EXD2: variants seen among roughly 807,000 people sequenced by gnomAD.
The protein encoded by EXD2 is exonuclease 3'-5' domain-containing protein 2.
In EXD2, 40 loss-of-function variants were observed where a neutral mutation model predicts 62.5. The observed-to-expected ratio is 0.64, with a 90% CI of 0.50 to 0.83. The LOEUF (loss-of-function observed/expected upper bound fraction) is 0.83. Among genes scored for constraint, EXD2 ranks in the 40% least tolerant of loss-of-function variants. The probability of loss-of-function intolerance (pLI) is 0.00; values close to 1 mark genes in which losing one functional copy is unlikely to be tolerated. For missense variants in EXD2, 671 were observed against 761.8 expected (o/e 0.88, Z 1.40); for synonymous variants, 239 against 291.9 (o/e 0.82, Z 1.85).
In EXD2 at chr14:69,243,143, A is replaced by T. The variant is rs189194796; in HGVS notation, c.*2043A>T. On this transcript the variant is annotated 3_prime_UTR_variant, in exon 10 of 10. Transcript: ENST00000685843. ...TTTTCAGGAGAGAGTCACTGTGTAG[A>T]TTTGAATCTTTTTTCTTTGAGTCTG... 1 of 152,300 alleles carries T rather than the reference A, an allele frequency of 6.6e-6. No individual in the cohort carries two copies. Among genetic ancestry groups the T allele is most frequent in the East Asian group, 1.9e-4 (1 of 5,180 alleles). The allele number at this position is 152,300 out of a possible 1,614,324, so 9.4% of individuals were successfully genotyped here. A position where few individuals can be genotyped will look rare whatever the true frequency, so the allele number is the denominator to read the frequency against.
chr14:69,231,413 C>T (rs143958377), intron 5 of EXD2, among the ~76,000 whole-genome samples: 4 of 152,220 alleles, frequency 2.6e-5, no homozygotes, highest in South Asian at 2.1e-4. Context: ...CCCCTGTCCC[C>T]GGACAAATAC....
chr14:69,241,080 CT>C lies in EXD2; in HGVS notation c.1848del (p.Ile618SerfsTer12), dbSNP rs758467048. Reference protein sequence around the residue: ...QKLLRKFGEDLPIQLS With the variant: ...QKLLRKFGEDXPIQLS ...GCTGCTCCGGAAATTCGGGGAAGAT[CT>C]TCCCATCCAGCTGTCTTGATAGCTG... On this transcript the variant is annotated frameshift_variant, in exon 10 of 10. Transcript: ENST00000685843. LOFTEE classifies it high-confidence loss of function. 42 of 1,612,378 alleles carry C rather than the reference CT, an allele frequency of 2.6e-5. No homozygotes were observed. Among genetic ancestry groups the C allele is most frequent in the Non-Finnish European group, 3.4e-6 (4 of 1,180,034 alleles).
In EXD2 at chr14:69,240,944, T is replaced by G. The variant is rs754908384; in HGVS notation, c.1710T>G (p.Gly570=). The change falls in exon 10 of 10, where the codon GGT becomes GGG. Residue 570 remains glycine (G), a synonymous_variant. Transcript: ENST00000685843. ...GLKVVQCHSQ[G]GLRSLMQLES... ...AGGTGGTGCAGTGTCACAGCCAGGGTGGCCTGCGCTCCCTCATGCAGCTGG... is the reference window on the plus strand; with the variant it reads ...AGGTGGTGCAGTGTCACAGCCAGGGGGGCCTGCGCTCCCTCATGCAGCTGG... 1 of 1,613,624 alleles carries G rather than the reference T, an allele frequency of 6.2e-7. No homozygotes were observed.
At position 69,209,484 on chromosome 14, in the gene EXD2, A is replaced by G. The variant is rs1432440130; in HGVS notation, c.14A>G (p.Asn5Ser). Residue 5 changes from asparagine (N) to serine (S), a missense_variant, in exon 3 of 10, where the codon AAC becomes AGC. Asn to Ser is a conservative substitution (Grantham distance 46, BLOSUM62 1). Transcript: ENST00000685843. Reference sequence around the variant, plus strand: ...GAAAAGTCGAAGATGTCTAGACAGAACTTAGTGGCTTTGACAGTGACTACC... The same window carrying G: ...GAAAAGTCGAAGATGTCTAGACAGAGCTTAGTGGCTTTGACAGTGACTACC... MSRQ[N>S]LVALTVTTLL... 6.5e-7 allele frequency: 1 copy of G among 1,539,092 alleles called. No homozygotes were observed. The highest frequency in any genetic ancestry group is 2.0e-5 in the Admixed American group (1 of 48,870).
rs148028785 is a variant in EXD2 at position 69,220,752 on chromosome 14, C to T, written c.334-8064C>T. The stretch of plus-strand genomic sequence containing the variant: ...GGCTTGGTTGTGGGTGCCTGTAATC[C>T]CAGCTACTGGGAAGGCTGAGGCAGG... On this transcript the variant is annotated intron_variant, in intron 3 of 9. Coordinates refer to ENST00000685843, the MANE Select transcript of EXD2 (RefSeq NM_001193360.2). 1.6e-3 allele frequency among the ~76,000 whole-genome samples: 247 copies of T among 151,850 alleles called. 4 individuals are homozygous for T. Among genetic ancestry groups the T allele is most frequent in the African/African-American group, 5.7e-3 (235 of 41,488 alleles).
At chr14:69,194,062 T>A (rs2042117598) in intron 1 of EXD2, among the ~76,000 whole-genome samples, 1 of 152,150 alleles carries the variant, frequency 6.6e-6, no homozygotes, top group Non-Finnish European at 1.5e-5. Flanking sequence ...GGGAATAGTT[T>A]TTTTTCTTTA....
Position 69,220,253 on chromosome 14 carries a change from G to GTTTTTTGTTTTTTTTTTT in EXD2, c.334-8557_334-8556insGTTTTTTTTTTTTTTTTT, listed in dbSNP as rs2043126549. Among the ~76,000 whole-genome samples the GTTTTTTGTTTTTTTTTTT allele has an allele frequency of 5.7e-4, 20 of 35,116 alleles. 1 individual carries two copies. The highest frequency in any genetic ancestry group is 8.9e-4 in the Non-Finnish European group (18 of 20,220). The allele number at this position is 35,116 out of a possible 152,430, so 23.0% of individuals were successfully genotyped here. A position where few individuals can be genotyped will look rare whatever the true frequency, so the allele number is the denominator to read the frequency against. ...CTCTCAGCAAGTGTTTTGTCTCTCT[G>GTTTTTTGTTTTTTTTTTT]TTTTTTTTTTTTTTTTTTTTTTTTT... On this transcript the variant is annotated intron_variant, in intron 3 of 9. Transcript: ENST00000685843.
In EXD2 at chr14:69,226,216, A is replaced by T. The variant is rs553978965; in HGVS notation, c.334-2600A>T. 2.4e-4 allele frequency among the ~76,000 whole-genome samples: 37 copies of T among 152,254 alleles called. 1 individual carries two copies. The highest frequency in any genetic ancestry group is 3.4e-3 in the Middle Eastern group (1 of 294). Reference sequence around the variant, plus strand: ...GGGAAAGAACTACTCATTAATTTTTAAAAAAGTGATTTGGTCACATCCGGA... The same window carrying T: ...GGGAAAGAACTACTCATTAATTTTTTAAAAAGTGATTTGGTCACATCCGGA... On this transcript the variant is annotated intron_variant, in intron 3 of 9. Transcript: ENST00000685843.
At chr14:69,206,152 C>T (rs918311641) in intron 2 of EXD2, among the ~76,000 whole-genome samples, 2 of 152,060 alleles carry the variant, frequency 1.3e-5, no homozygotes, top group Non-Finnish European at 2.9e-5. Context: ...AACTCCTGGG[C>T]TCAAGCTGTC....
rs778799517 is a variant in EXD2, at chr14:69,237,548, G to T, written c.1293-27G>T. The T allele has an allele frequency of 1.1e-5, 18 of 1,605,222 alleles. No homozygotes were observed. In the South Asian group the frequency reaches 2.0e-4, roughly 18 times the overall value. ...TGTGCTCTGTCATACACTTATGAGC[G>T]CTGCTTTCCGGCTGGGCTTGTTCCA... On this transcript the variant is annotated intron_variant, in intron 8 of 9. Transcript: ENST00000685843.
chr14:69,201,758 C>T (rs1208178849), intron 1 of EXD2, among the ~76,000 whole-genome samples: 1 of 129,640 alleles, frequency 7.7e-6, no homozygotes, highest in African/African-American at 2.9e-5. Flanking sequence ...TCTCGGCTTA[C>T]TGCAAGCTCC....
intron 5 of EXD2, among the ~76,000 whole-genome samples, chr14:69,233,759 C>T (rs901043833): frequency 6.8e-6 from 1 of 147,198 alleles, no homozygotes; most frequent in Non-Finnish European, 1.5e-5. Context: ...GTTTTGACCA[C>T]GCTACTTTTT....
At chr14:69,191,879 C>T (rs535313887) in intron 1 of EXD2, 3 of 152,316 alleles carry the variant, frequency 2.0e-5, no homozygotes, top group African/African-American at 7.2e-5. Context: ...TTGGGCCTCT[C>T]CTTTCGACCC....
chr14:69,205,574 T>C (rs2042563904), intron 2 of EXD2, among the ~76,000 whole-genome samples: 1 of 152,216 alleles, frequency 6.6e-6, no homozygotes, highest in African/African-American at 2.4e-5. Context: ...TGAATATTCT[T>C]TAAAGTCCTT....
intron 3 of EXD2, among the ~76,000 whole-genome samples, chr14:69,216,917 A>G (rs907812625): frequency 2.0e-5 from 3 of 152,180 alleles, no homozygotes; most frequent in African/African-American, 7.2e-5. Flanking sequence ...ACCATGCTGT[A>G]CACTAGATGT....
chr14:69,215,168 T>C (rs1470022785), intron 3 of EXD2, among the ~76,000 whole-genome samples: 1 of 152,070 alleles, frequency 6.6e-6, no homozygotes. Flanking sequence ...CATACAGGTA[T>C]AATCCCAGTT....
At chr14:69,208,463 G>A (rs1010137877) in intron 2 of EXD2, among the ~76,000 whole-genome samples, 35 of 152,200 alleles carry the variant, frequency 2.3e-4, no homozygotes, top group African/African-American at 7.9e-4. Context: ...ACCTGCCTCG[G>A]CCTCCCAAAG....
intron 5 of EXD2, among the ~76,000 whole-genome samples, chr14:69,231,374 G>A (rs2043573179): frequency 6.6e-6 from 1 of 151,976 alleles, no homozygotes; most frequent in Non-Finnish European, 1.5e-5. Flanking sequence ...ATCATACTGT[G>A]GGAGATACGG....
At chr14:69,223,732 ACT>A (rs1156336976) in intron 3 of EXD2, among the ~76,000 whole-genome samples, 2 of 152,026 alleles carry the variant, frequency 1.3e-5, no homozygotes, top group East Asian at 3.9e-4. Flanking sequence ...CTTTCTGGAG[ACT>A]CTGGCTACAT....
Sources: allele counts gnomAD v4.1 joint callset (sites outside exome capture counted in the v4.1 genomes callset), GRCh38; gene constraint gnomAD v4.1.1; transcripts MANE v1.5; gene names NCBI Gene and HGNC (gene_info 2026-07-23, HGNC 2026-07-21).